Variants in SVEP1 observed in about 807,000 individuals in gnomAD.
SVEP1 encodes the protein sushi, von Willebrand factor type A, EGF and pentraxin domain containing 1.
SVEP1 carries 164 observed loss-of-function variants against 367.3 expected under a neutral mutation model. The ratio of observed to expected loss-of-function variants is 0.45; its 90% confidence interval spans 0.39 to 0.51. The LOEUF (loss-of-function observed/expected upper bound fraction) is 0.51. SVEP1 is among the 20% of genes least tolerant of loss of function. The pLI is 0.00. For synonymous variants in SVEP1, 1,666 were observed against 1,611.6 expected (o/e 1.03, Z -0.81); for missense variants, 4,117 against 4,425.3 (o/e 0.93, Z 1.98).
Position 110,407,528 on chromosome 9 carries a change from A to G in SVEP1, c.8072T>C (p.Leu2691Pro). Residue 2691 changes from leucine to proline, a missense_variant, in exon 38 of 48, where the codon CTT becomes CCT. Around this residue, in one of 4 missense-constraint regions of SVEP1, gnomAD observed 1,765 missense variants for 1,781.1 expected, o/e 0.99. Transcript: ENST00000374469. Reference sequence around the variant, plus strand: ...GCAGATCAGCACAGGGTTCCCCAGAAGTTCATATCCTGGATTACAGGTGTA... The same window carrying G: ...GCAGATCAGCACAGGGTTCCCCAGAGGTTCATATCCTGGATTACAGGTGTA... ...VSYTCNPGYE[L>P]LGNPVLICQE... The G allele has an allele frequency of 6.2e-7, 1 of 1,614,010 alleles. No homozygotes were observed. Among genetic ancestry groups the G allele is most frequent in the South Asian group, 1.1e-5 (1 of 91,084 alleles).
At chr9:110,375,682 G>A (rs545738894) in intron 45 of SVEP1, among the ~76,000 whole-genome samples, 20 of 152,266 alleles carry the variant, frequency 1.3e-4, no homozygotes, top group African/African-American at 4.6e-4. Context: ...TTAGCCACAT[G>A]TAATGACTTT....
At chr9:110,458,360 C>T in intron 20 of SVEP1, 111 bp downstream of exon 20, 2 of 853,400 alleles carry the variant, frequency 2.3e-6, no homozygotes, top group Non-Finnish European at 3.6e-6. Flanking sequence ...ATTCATACAT[C>T]TTGATTACTT....
chr9:110,379,309 A>G (rs376077562), intron 44 of SVEP1, 38 bp downstream of exon 44: 6 of 1,600,066 alleles, frequency 3.7e-6, no homozygotes, highest in Non-Finnish European at 5.1e-6. Context: ...ATTTCCCTGC[A>G]GTTTCACTAA....
At chr9:110,563,452 GAAGA>G (rs1214819907) in intron 1 of SVEP1, among the ~76,000 whole-genome samples, 2 of 152,128 alleles carry the variant, frequency 1.3e-5, no homozygotes. Flanking sequence ...GCAAATAGAA[GAAGA>G]AAGTTAGTAA....
chr9:110,471,468 A>G lies in SVEP1; in HGVS notation c.2894T>C (p.Phe965Ser), dbSNP rs1193905189. Residue 965 changes from phenylalanine (F) to serine (S), a missense_variant, in exon 16 of 48, where the codon TTT becomes TCT. Phe to Ser is a radical substitution (Grantham distance 155). This residue lies in a region of SVEP1 where 2,174 missense variants were observed against 2,494.3 expected (regional missense o/e 0.87). Coordinates refer to ENST00000374469, the MANE Select transcript of SVEP1 (RefSeq NM_153366.4). ...TATAAGTATTTCTGATGCAAGCTGA[A>G]AGGAATACATGGGGTCTTTGTTGAG... ...RTLNKDPMYS[F>S]QLASEILIAD... 2.7e-5 allele frequency: 44 copies of G among 1,613,870 alleles called. No individual in the cohort carries two copies. Among genetic ancestry groups the G allele is most frequent in the Non-Finnish European group, 3.5e-5 (41 of 1,179,882 alleles).
At position 110,377,286 on chromosome 9, in the gene SVEP1, G is replaced by A. The variant is rs376246238; in HGVS notation, c.10489C>T (p.Arg3497Cys). 2.7e-5 allele frequency: 44 copies of A among 1,613,356 alleles called. No individual in the cohort carries two copies. Among genetic ancestry groups the A allele is most frequent in the South Asian group, 2.0e-4 (18 of 91,032 alleles). Residue 3497 changes from arginine to cysteine, a missense_variant, in exon 45 of 48, where the codon CGC (arginine) becomes TGC (cysteine). Physicochemically the swap from Arg to Cys is radical, Grantham distance 180 (BLOSUM62 -3). This residue lies in a region of SVEP1 where 1,765 missense variants were observed against 1,781.1 expected (regional missense o/e 0.99). Transcript: ENST00000374469. ...ACSCPEGWMG[R>C]LCEEPICILP... Reference sequence around the variant, plus strand: ...AGCAACTCACGTTCTTCACAGAGGCGCCCCATCCAGCCCTCTGGACAGGAA... The same window carrying A: ...AGCAACTCACGTTCTTCACAGAGGCACCCCATCCAGCCCTCTGGACAGGAA...
At chr9:110,538,011 A>C (rs1042766940) in intron 3 of SVEP1, among the ~76,000 whole-genome samples, 2 of 151,960 alleles carry the variant, frequency 1.3e-5, no homozygotes, top group Non-Finnish European at 2.9e-5. Context: ...CAATAAGCAG[A>C]TATTGATCAC....
Position 110,385,932 on chromosome 9 carries a change from G to C in SVEP1, c.10203C>G (p.Asp3401Glu), listed in dbSNP as rs765676113. 6.2e-7 allele frequency: 1 copy of C among 1,613,786 alleles called. No individual in the cohort carries two copies. Among genetic ancestry groups the C allele is most frequent in the Non-Finnish European group, 8.5e-7 (1 of 1,179,814 alleles). ...QGHGIITCNP[D>E]ETWTQTSAKC... is the part of the protein sequence containing the mutation. ...TGGCGCTTGTCTGTGTCCACGTCTC[G>C]TCGGGGTTGCAGGTAATGATGCCGT... The change falls in exon 43 of 48, where the codon GAC (aspartate) becomes GAG (glutamate). Residue 3401 changes from aspartate (D) to glutamate (E), a missense_variant. Asp to Glu is a conservative substitution (Grantham distance 45). Around this residue, in one of 4 missense-constraint regions of SVEP1, gnomAD observed 1,765 missense variants for 1,781.1 expected, o/e 0.99. Transcript: ENST00000374469.
At chr9:110,401,926 C>A (rs913173896) in intron 39 of SVEP1, among the ~76,000 whole-genome samples, 3 of 152,004 alleles carry the variant, frequency 2.0e-5, no homozygotes, top group African/African-American at 7.2e-5. Context: ...TGCGGCTAAA[C>A]CCTCATTCTA....
chr9:110,501,083 T>C (rs897538796), intron 6 of SVEP1, among the ~76,000 whole-genome samples: 1 of 148,000 alleles, frequency 6.8e-6, no homozygotes, highest in Non-Finnish European at 1.5e-5. Flanking sequence ...ATATATGTAC[T>C]ATATATTAAT....
chr9:110,465,460 T>G (rs1281714898), intron 18 of SVEP1, among the ~76,000 whole-genome samples: 2 of 152,192 alleles, frequency 1.3e-5, no homozygotes, highest in Non-Finnish European at 2.9e-5. Context: ...AACCTTCAAC[T>G]CGTAAGGAAT....
chr9:110,471,886 A>G (rs1396469222), intron 15 of SVEP1, among the ~76,000 whole-genome samples: 1 of 152,334 alleles, frequency 6.6e-6, no homozygotes, highest in East Asian at 1.9e-4. Context: ...TTATTATAAC[A>G]TAATAAATTC....
At chr9:110,558,629 T>A in intron 1 of SVEP1, among the ~76,000 whole-genome samples, 1 of 148,544 alleles carries the variant, frequency 6.7e-6, no homozygotes, top group African/African-American at 2.5e-5. Context: ...TAGGCTAAAA[T>A]GAAAAGAGAG....
Position 110,432,503 on chromosome 9 carries a change from G to A in SVEP1, c.5192C>T (p.Thr1731Ile). The A allele has an allele frequency of 6.2e-7, 1 of 1,613,812 alleles. No homozygotes were observed. Among genetic ancestry groups the A allele is most frequent in the Non-Finnish European group, 8.5e-7 (1 of 1,179,770 alleles). The stretch of plus-strand genomic sequence containing the variant: ...AACGCCGTTCCAGCTCCCATTATCT[G>A]TACAGAACATCCTTGAGTCACCCAA... ...YLLGDSRMFC[T>I]DNGSWNGVSP... is the part of the protein sequence containing the mutation. The change falls in exon 31 of 48, where the codon ACA (threonine) becomes ATA (isoleucine). Residue 1731 changes from threonine to isoleucine, a missense_variant. Transcript: ENST00000374469.
rs1554721437 is a variant in SVEP1, at chr9:110,528,131, C to CAT, written c.965-14026_965-14025insAT. On this transcript the variant is annotated intron_variant, in intron 3 of 47. Transcript: ENST00000374469. ...ATATACATATATACATACATACACA[C>CAT]GTGTGTGTGTGTGTGTGTGTGTGTG... Among the ~76,000 whole-genome samples, 9 of 65,394 alleles carry CAT rather than the reference C, an allele frequency of 1.4e-4. 1 individual carries two copies. The highest frequency in any genetic ancestry group is 5.1e-4 in the African/African-American group (9 of 17,580). The allele number at this position is 65,394 out of a possible 152,430, so 42.9% of individuals were successfully genotyped here.
chr9:110,384,805 G>A (rs1295825179), intron 43 of SVEP1, among the ~76,000 whole-genome samples: 2 of 152,036 alleles, frequency 1.3e-5, no homozygotes, highest in African/African-American at 4.8e-5. Flanking sequence ...TCATTAAGTG[G>A]CGTGCAAGTG....
At chr9:110,413,847 G>A (rs1828080341) in intron 36 of SVEP1, among the ~76,000 whole-genome samples, 1 of 151,976 alleles carries the variant, frequency 6.6e-6, no homozygotes, top group South Asian at 2.1e-4. Context: ...TGATTAGCCT[G>A]TCATTTTGCT....
chr9:110,372,732 G>A (rs1827297289), intron 46 of SVEP1, among the ~76,000 whole-genome samples: 1 of 152,098 alleles, frequency 6.6e-6, no homozygotes, highest in Non-Finnish European at 1.5e-5. Context: ...AGATTGGGGA[G>A]GAGAAGAGGC....
rs1827987066 is a variant in SVEP1, at chr9:110,408,291, G to C, written c.7309C>G (p.Pro2437Ala). 1.9e-6 allele frequency: 3 copies of C among 1,613,872 alleles called. No individual in the cohort carries two copies. Among genetic ancestry groups the C allele is most frequent in the African/African-American group, 1.3e-5 (1 of 74,934 alleles). Residue 2437 changes from proline to alanine, a missense_variant, in exon 38 of 48, where the codon CCA (proline) becomes GCA (alanine). Pro to Ala is a conservative substitution (Grantham distance 27). Transcript: ENST00000374469. ...TWSSPLPECV[P>A]VECPQPEEIP... Reference sequence around the variant, plus strand: ...TCCTCAGGTTGGGGACATTCTACTGGAACACATTCTGGCAGTGGAGAGCTC... The same window carrying C: ...TCCTCAGGTTGGGGACATTCTACTGCAACACATTCTGGCAGTGGAGAGCTC...
Sources: gnomAD v4.1 joint callset for allele counts (sites outside exome capture counted in the v4.1 genomes callset) on GRCh38, gnomAD v4.1.1 for gene constraint, gnomAD v4.1.1 regional missense constraint, MANE v1.5 for transcripts, NCBI Gene and HGNC (gene_info 2026-07-23, HGNC 2026-07-21) for gene names.